The following C10orf90 variants were observed in gnomAD, a reference collection of about 807,000 sequenced individuals.
C10orf90 encodes (E2-independent) E3 ubiquitin-conjugating enzyme FATS.
Under a neutral mutation model 62.5 loss-of-function variants are expected in C10orf90, and 56 were observed. The observed-to-expected ratio is 0.90, with a 90% CI of 0.72 to 1.12. The LOEUF (loss-of-function observed/expected upper bound fraction) is 1.12, where lower values mean the gene tolerates loss of function less well. Ranked by LOEUF, C10orf90 falls within the 50% of genes most tolerant of loss-of-function variation. C10orf90 has a pLI of 0.00. For synonymous variants in C10orf90, 386 were observed against 340.4 expected (o/e 1.13, Z -1.47); for missense variants, 970 against 880.4 (o/e 1.10, Z -1.29).
intron 2 of C10orf90, among the ~76,000 whole-genome samples, chr10:126,517,297 T>C (rs1863484675): frequency 6.6e-6 from 1 of 152,140 alleles, no homozygotes; most frequent in African/African-American, 2.4e-5. Context: ...ATTTAAAAAG[T>C]GTGTGTAGGA....
chr10:126,425,357 T>C lies in C10orf90; in HGVS notation c.*507A>G, dbSNP rs1857208216. On this transcript the variant is annotated 3_prime_UTR_variant, in exon 10 of 10. Coordinates refer to ENST00000488181, the MANE Select transcript of C10orf90 (RefSeq NM_001350921.2). ...ACCCACCGGTTTCCAAGTCAGCCTC[T>C]AGCATTGGGTGGTGTACATGTTCAG... 6.5e-6 allele frequency: 1 copy of C among 154,288 alleles called. No individual in the cohort carries two copies. The highest frequency in any genetic ancestry group is 1.4e-5 in the Non-Finnish European group (1 of 69,514). The allele number at this position is 154,288 out of a possible 1,614,324, so 9.6% of individuals were successfully genotyped here.
intron 2 of C10orf90, among the ~76,000 whole-genome samples, chr10:126,543,774 T>G (rs1289300050): frequency 6.6e-6 from 1 of 152,232 alleles, no homozygotes; most frequent in Non-Finnish European, 1.5e-5. Flanking sequence ...AGATCAGTTT[T>G]CATTAGCAGT....
chr10:126,441,058 A>C (rs1858286854), intron 7 of C10orf90, among the ~76,000 whole-genome samples: 1 of 152,210 alleles, frequency 6.6e-6, no homozygotes, highest in African/African-American at 2.4e-5. Context: ...TGAAAAAAGA[A>C]TTCAGGAGGT....
chr10:126,455,507 G>A (rs1859491559), intron 7 of C10orf90, among the ~76,000 whole-genome samples: 1 of 152,216 alleles, frequency 6.6e-6, no homozygotes, highest in Non-Finnish European at 1.5e-5. Flanking sequence ...ACTAGGGACT[G>A]TGCCTAGCAC....
rs1232573819 is a variant in C10orf90, at chr10:126,492,103, T to C, written c.1534+11854A>G. ...GACATTAGAAGAAAAACTGATAGAA[T>C]CTGAATAAAGTCTGTAGTTTAGATA... On this transcript the variant is annotated intron_variant, in intron 4 of 9. Coordinates refer to ENST00000488181, the MANE Select transcript of C10orf90 (RefSeq NM_001350921.2). Among the ~76,000 whole-genome samples the C allele has an allele frequency of 2.6e-5, 4 of 152,204 alleles. No homozygotes were observed. In the East Asian group the frequency reaches 7.7e-4, roughly 29 times the overall value.
chr10:126,489,576 A>G (rs1382048437), intron 4 of C10orf90, among the ~76,000 whole-genome samples: 2 of 152,088 alleles, frequency 1.3e-5, no homozygotes, highest in South Asian at 4.1e-4. Context: ...GAGCACGACG[A>G]GTGTTGGTGA....
intron 8 of C10orf90, 74 bp downstream of exon 8, chr10:126,429,713 G>T: frequency 1.6e-6 from 2 of 1,220,708 alleles, no homozygotes; most frequent in Non-Finnish European, 2.4e-6. Flanking sequence ...GGTCCCATTG[G>T]AGGGCACCTG....
At chr10:126,461,218 C>T (rs1373884054) in intron 6 of C10orf90, among the ~76,000 whole-genome samples, 183 bp downstream of exon 6, 2 of 152,186 alleles carry the variant, frequency 1.3e-5, no homozygotes. Flanking sequence ...GTCATTATCT[C>T]CATTATTCAA....
At chr10:126,524,832 T>C (rs1272524956) in intron 2 of C10orf90, 1 of 985,362 alleles carries the variant, frequency 1.0e-6, no homozygotes, top group African/African-American at 1.7e-5. Flanking sequence ...AGGGAGGCAG[T>C]CTCCACTTTA....
chr10:126,489,884 G>T (rs1861624929), intron 4 of C10orf90, among the ~76,000 whole-genome samples: 1 of 147,180 alleles, frequency 6.8e-6, no homozygotes, highest in East Asian at 2.0e-4. Context: ...TACATACATA[G>T]AATATTAGCC....
At chr10:126,466,371 AACACAC>A (rs10573171) in intron 4 of C10orf90, among the ~76,000 whole-genome samples, 6 of 150,118 alleles carry the variant, frequency 4.0e-5, no homozygotes, top group East Asian at 2.0e-4. Context: ...CACACACACA[AACACAC>A]ACACACACAC....
chr10:126,619,636 T>C (rs758631722), intron 2 of C10orf90, among the ~76,000 whole-genome samples: 4 of 152,182 alleles, frequency 2.6e-5, no homozygotes, highest in African/African-American at 4.8e-5. Context: ...GTTTTTTTCT[T>C]TTTCATTTTT....
intron 2 of C10orf90, among the ~76,000 whole-genome samples, chr10:126,632,811 C>G (rs535131894): frequency 2.6e-5 from 4 of 152,298 alleles, no homozygotes; most frequent in Non-Finnish European, 4.4e-5. Context: ...TTGGCCCCAG[C>G]CTTCACCTTG....
rs928513466 is a variant in C10orf90, at chr10:126,587,988, G to GT, written c.313+58576dup. Among the ~76,000 whole-genome samples, 8 of 152,298 alleles carry GT rather than the reference G, an allele frequency of 5.3e-5. No homozygotes were observed. In the South Asian group the frequency reaches 6.2e-4, roughly 12 times the overall value. On this transcript the variant is annotated intron_variant, in intron 2 of 9. Coordinates refer to ENST00000488181, the MANE Select transcript of C10orf90 (RefSeq NM_001350921.2). Reference sequence around the variant, plus strand: ...CCAGGGAGGCAAGTGGCCCTGTTCTGTGGGCCCCAATCCTATGGCTCCTTA... The same window carrying GT: ...CCAGGGAGGCAAGTGGCCCTGTTCTGTTGGGCCCCAATCCTATGGCTCCTTA...
At chr10:126,441,881 T>C (rs894303342) in intron 7 of C10orf90, among the ~76,000 whole-genome samples, 3 of 152,060 alleles carry the variant, frequency 2.0e-5, no homozygotes, top group African/African-American at 7.2e-5. Context: ...ACTCTAAAAG[T>C]GCTCTAAATC....
intron 2 of C10orf90, among the ~76,000 whole-genome samples, chr10:126,622,133 T>A (rs572026639): frequency 1.3e-5 from 2 of 152,272 alleles, no homozygotes; most frequent in South Asian, 4.1e-4. Context: ...AGGGATCATA[T>A]CTGGTTCGTT....
chr10:126,619,805 A>T (rs1484116872), intron 2 of C10orf90, among the ~76,000 whole-genome samples: 2 of 152,026 alleles, frequency 1.3e-5, no homozygotes, highest in African/African-American at 2.4e-5. Flanking sequence ...ATGCCTAGCT[A>T]ATCTTTATAT....
chr10:126,447,214 C>A (rs1858839154), intron 7 of C10orf90, among the ~76,000 whole-genome samples: 1 of 150,354 alleles, frequency 6.7e-6, no homozygotes, highest in African/African-American at 2.4e-5. Flanking sequence ...ATTCTCCAAT[C>A]AAAAAAGCAT....
intron 4 of C10orf90, among the ~76,000 whole-genome samples, chr10:126,496,178 G>A (rs7908424): frequency 0.56 from 84,407 of 151,992 alleles, 24,235 homozygotes; most frequent in African/African-American, 0.71. Flanking sequence ...TGGCAAACCT[G>A]AGTAAATGGC....
Sources: allele counts gnomAD v4.1 joint callset (sites outside exome capture counted in the v4.1 genomes callset), GRCh38; gene constraint gnomAD v4.1.1; transcripts MANE v1.5; gene names NCBI Gene and HGNC (gene_info 2026-07-23, HGNC 2026-07-21).